Variants in STPG4 observed in about 807,000 individuals in gnomAD.
The protein encoded by STPG4 is protein STPG4.
A neutral mutation model predicts 31.5 loss-of-function variants in STPG4; 41 were observed. The ratio of observed to expected loss-of-function variants is 1.30; its 90% CI spans 1.01 to 1.69. STPG4 has a LOEUF of 1.69. STPG4 is among the 40% of genes most tolerant of loss of function. The pLI is 0.00. For synonymous variants in STPG4, 141 were observed against 103.0 expected (o/e 1.37, Z -2.24); for missense variants, 375 against 293.4 (o/e 1.28, Z -2.03).
chr2:47,148,415 CTGAATCTAAAATAAAA>C (rs1686869888), intron 3 of STPG4, among the ~76,000 whole-genome samples: 1 of 151,654 alleles, frequency 6.6e-6, no homozygotes. Context: ...CATGTAGACC[CTGAATCTAAAATAAAA>C]GTTGAAAAAA....
At chr2:47,097,041 A>T (rs2103733312) in intron 5 of STPG4, among the ~76,000 whole-genome samples, 1 of 152,274 alleles carries the variant, frequency 6.6e-6, no homozygotes, top group Admixed American at 6.5e-5. Context: ...TAGGGAGGAC[A>T]CAGGTGGACA....
At chr2:47,126,450 C>T (rs1225235381) in intron 5 of STPG4, among the ~76,000 whole-genome samples, 1 of 152,062 alleles carries the variant, frequency 6.6e-6, no homozygotes, top group Non-Finnish European at 1.5e-5. Context: ...CTTAGCCTCG[C>T]TGAGTAACTG....
At chr2:47,139,530 C>T (rs1260066527) in intron 3 of STPG4, among the ~76,000 whole-genome samples, 1 of 151,964 alleles carries the variant, frequency 6.6e-6, no homozygotes, top group Non-Finnish European at 1.5e-5. Flanking sequence ...CCCCTGTTGC[C>T]AGCATCTCCA....
At chr2:47,138,086 C>T (rs1448217031) in intron 3 of STPG4, among the ~76,000 whole-genome samples, 1 of 151,906 alleles carries the variant, frequency 6.6e-6, no homozygotes, top group Admixed American at 6.6e-5. Flanking sequence ...TTTGGTTTTT[C>T]TTCTTTTCTA....
At chr2:47,124,959 C>A (rs1686337920) in intron 5 of STPG4, among the ~76,000 whole-genome samples, 1 of 152,154 alleles carries the variant, frequency 6.6e-6, no homozygotes, top group African/African-American at 2.4e-5. Flanking sequence ...GGATATAAGT[C>A]ATTTAAACTG....
chr2:47,104,955 C>A (rs1388299097), intron 5 of STPG4, among the ~76,000 whole-genome samples: 1 of 151,866 alleles, frequency 6.6e-6, no homozygotes, highest in East Asian at 1.9e-4. Context: ...TGAGGGGGTT[C>A]CTTGGAATTA....
At position 47,102,898 on chromosome 2, in the gene STPG4, G is replaced by A. The variant is rs558158491; in HGVS notation, c.520-12524C>T. Among the ~76,000 whole-genome samples, 56 of 151,904 alleles carry A rather than the reference G, an allele frequency of 3.7e-4. 2 individuals are homozygous for A. The highest frequency in any genetic ancestry group is 1.3e-3 in the African/African-American group (53 of 41,280). On this transcript the variant is annotated intron_variant, in intron 5 of 6. Coordinates refer to ENST00000445927, the MANE Select transcript of STPG4 (RefSeq NM_001163561.2). ...GTACATAGATCCTATGTACCTATCA[G>A]GTCCTACAGGGTCTAGGGCAAACCT...
chr2:47,105,531 C>G (rs13033613), intron 5 of STPG4, among the ~76,000 whole-genome samples: 8,351 of 152,080 alleles, frequency 0.055, 434 homozygotes, highest in African/African-American at 0.11. Flanking sequence ...GGGAACCAAT[C>G]GAACATGACT....
rs538983486 is a variant in STPG4, at chr2:47,104,604, G to A, written c.520-14230C>T. Among the ~76,000 whole-genome samples, 60 of 152,044 alleles carry A rather than the reference G, an allele frequency of 3.9e-4. No homozygotes were observed. In the South Asian group the frequency reaches 0.01, roughly 25 times the overall value. ...CCGCAGACCACATGTCCCAACTTACGTGGACAGTCTTGCCCCAGGGGTTTA... is the reference window on the plus strand; with the variant it reads ...CCGCAGACCACATGTCCCAACTTACATGGACAGTCTTGCCCCAGGGGTTTA... On this transcript the variant is annotated intron_variant, in intron 5 of 6. Coordinates refer to ENST00000445927, the MANE Select transcript of STPG4 (RefSeq NM_001163561.2).
At chr2:47,138,147 A>G (rs910116926) in intron 3 of STPG4, among the ~76,000 whole-genome samples, 1 of 152,168 alleles carries the variant, frequency 6.6e-6, no homozygotes, top group African/African-American at 2.4e-5. Context: ...CTTTTGCTAC[A>G]TCCCACAAAT....
rs577618304 is a variant in STPG4 at position 47,153,346 on chromosome 2, G to T, written c.82-330C>A. ...TTAGGCTTGAAGCCAGACCGACTTA[G>T]GCTGGAACTCAGCTCTGCCACTTAC... On this transcript the variant is annotated intron_variant, in intron 1 of 6. Transcript: ENST00000445927. 3.3e-5 allele frequency among the ~76,000 whole-genome samples: 5 copies of T among 152,320 alleles called. No homozygotes were observed. In the East Asian group the frequency reaches 7.7e-4, roughly 23 times the overall value.
At chr2:47,126,608 T>C (rs1271406705) in intron 5 of STPG4, among the ~76,000 whole-genome samples, 1 of 152,208 alleles carries the variant, frequency 6.6e-6, no homozygotes, top group Non-Finnish European at 1.5e-5. Flanking sequence ...ATTATAGGCA[T>C]GAGCCACTGC....
At chr2:47,106,291 GTCTT>G (rs1428887757) in intron 5 of STPG4, among the ~76,000 whole-genome samples, 3 of 151,824 alleles carry the variant, frequency 2.0e-5, no homozygotes, top group African/African-American at 4.9e-5. Flanking sequence ...CTGCACCTTA[GTCTT>G]TCTAAGTCCC....
chr2:47,143,121 C>T (rs1302251881), intron 3 of STPG4, among the ~76,000 whole-genome samples: 7 of 152,094 alleles, frequency 4.6e-5, no homozygotes, highest in East Asian at 3.9e-4. Flanking sequence ...CCACCGCACC[C>T]GGCCAACCTC....
rs1686896433 is a variant in STPG4, at chr2:47,149,528, A to T, written c.399+1730T>A. Among the ~76,000 whole-genome samples, 6 of 152,370 alleles carry T rather than the reference A, an allele frequency of 3.9e-5. No homozygotes were observed. In the South Asian group the frequency reaches 1.2e-3, roughly 32 times the overall value. ...TCCACTGAAGCAAACAGGATAAGAT[A>T]TACCTAATGAACACTTATCATTCTG... On this transcript the variant is annotated intron_variant, in intron 3 of 6. Coordinates refer to ENST00000445927, the MANE Select transcript of STPG4 (RefSeq NM_001163561.2).
chr2:47,103,400 G>C (rs1440378458), intron 5 of STPG4, among the ~76,000 whole-genome samples: 1 of 151,892 alleles, frequency 6.6e-6, no homozygotes, highest in Non-Finnish European at 1.5e-5. Context: ...CCAAAAGCAA[G>C]CCCTGGGCCC....
chr2:47,107,420 C>A (rs1451382939), intron 5 of STPG4, among the ~76,000 whole-genome samples: 1 of 152,196 alleles, frequency 6.6e-6, no homozygotes, highest in African/African-American at 2.4e-5. Context: ...GGCTTAGCAC[C>A]CGGGCCAGCG....
chr2:47,118,659 T>A (rs1034429758), intron 5 of STPG4, among the ~76,000 whole-genome samples: 1 of 152,124 alleles, frequency 6.6e-6, no homozygotes, highest in Non-Finnish European at 1.5e-5. Flanking sequence ...ACCAAAAAAC[T>A]AAGCCCTGAC....
At chr2:47,126,501 AT>A (rs1004169798) in intron 5 of STPG4, among the ~76,000 whole-genome samples, 68 of 151,978 alleles carry the variant, frequency 4.5e-4, no homozygotes, top group African/African-American at 1.5e-3. Flanking sequence ...TAATTTTTAA[AT>A]TTTTTGTAGA....
Sources: gnomAD v4.1 joint callset for allele counts (sites outside exome capture counted in the v4.1 genomes callset) on GRCh38, gnomAD v4.1.1 for gene constraint, MANE v1.5 for transcripts, NCBI Gene and HGNC (gene_info 2026-07-23, HGNC 2026-07-21) for gene names.